The following PKHD1 variants were observed in gnomAD, a reference collection of about 807,000 sequenced individuals.
PKHD1 encodes fibrocystin.
PKHD1 carries 291 observed loss-of-function variants against 412.0 expected under a neutral mutation model. The observed-to-expected ratio is 0.71, with a 90% CI of 0.64 to 0.78. PKHD1 has a LOEUF of 0.78. Among genes scored for constraint, PKHD1 ranks in the 30% least tolerant of loss-of-function variants. PKHD1 has a pLI of 0.00. For missense variants in PKHD1, 4,825 were observed against 4,950.7 expected (o/e 0.97, Z 0.76); for synonymous variants, 1,777 against 1,821.5 (o/e 0.98, Z 0.62).
intron 37 of PKHD1, among the ~76,000 whole-genome samples, chr6:51,916,494 T>C (rs1783834697): frequency 6.6e-6 from 1 of 152,184 alleles, no homozygotes; most frequent in African/African-American, 2.4e-5. Context: ...TGAAACTAGT[T>C]CTTCTGAATC....
chr6:52,073,790 C>T (rs1037120678), intron 6 of PKHD1, among the ~76,000 whole-genome samples: 2 of 152,120 alleles, frequency 1.3e-5, no homozygotes, highest in Admixed American at 6.5e-5. Context: ...ATGCATGGAG[C>T]ATAGAAGGAA....
intron 35 of PKHD1, among the ~76,000 whole-genome samples, chr6:51,966,734 C>G (rs918523081): frequency 6.6e-6 from 1 of 152,094 alleles, no homozygotes; most frequent in African/African-American, 2.4e-5. Flanking sequence ...AAACAAATTC[C>G]TGACCTCATG....
chr6:51,746,959 A>C, intron 58 of PKHD1, 70 bp from the exon 59 acceptor site: 1 of 922,000 alleles, frequency 1.1e-6, no homozygotes, highest in Non-Finnish European at 1.7e-6. Flanking sequence ...TCGAATATAC[A>C]ACTAAATATT....
chr6:52,044,349 A>G (rs1805436348), intron 25 of PKHD1, among the ~76,000 whole-genome samples: 1 of 152,222 alleles, frequency 6.6e-6, no homozygotes, highest in Admixed American at 6.5e-5. Flanking sequence ...CATTAATAGC[A>G]TACAGATTAT....
chr6:52,070,969 G>T, intron 9 of PKHD1, 37 bp downstream of exon 9: 1 of 1,290,306 alleles, frequency 7.8e-7, no homozygotes, highest in Non-Finnish European at 1.1e-6. Context: ...GAAAGAAATG[G>T]ATAAGACTTT....
At chr6:51,854,453 G>A (rs886090243) in intron 49 of PKHD1, among the ~76,000 whole-genome samples, 3 of 152,170 alleles carry the variant, frequency 2.0e-5, no homozygotes, top group African/African-American at 7.2e-5. Context: ...TTGTCCCTTG[G>A]TGGAGAGGGT....
chr6:51,924,461 G>A (rs4711986), intron 37 of PKHD1, among the ~76,000 whole-genome samples: 55,505 of 151,950 alleles, frequency 0.37, 11,190 homozygotes, highest in East Asian at 0.76. Flanking sequence ...TAGAAACAAC[G>A]GAAAGCCACT....
rs1291484208 is a variant in PKHD1 at position 51,649,128 on chromosome 6, T to C, written c.11267A>G (p.Asn3756Ser). 1 of 1,613,762 alleles carries C rather than the reference T, an allele frequency of 6.2e-7. No homozygotes were observed. The highest frequency in any genetic ancestry group is 8.5e-7 in the Non-Finnish European group (1 of 1,179,798). ...LVQPSDGEVG[N>S]ELPVQPQLVF... ...CAATTGTGGCTGCACTGGAAGCTCA[T>C]TTCCCACTTCTCCATCTGAAGGCTG... The change falls in exon 62 of 67, where the codon AAT (asparagine) becomes AGT (serine). Residue 3756 changes from asparagine (N) to serine (S), a missense_variant. Transcript: ENST00000371117.
intron 64 of PKHD1, among the ~76,000 whole-genome samples, chr6:51,637,474 G>C (rs2784223): frequency 2.4e-4 from 36 of 152,164 alleles, no homozygotes; most frequent in Non-Finnish European, 2.9e-4. Flanking sequence ...AGCACTTGTC[G>C]ACAGGTTATT....
chr6:51,780,853 A>C (rs1791874957), intron 53 of PKHD1, among the ~76,000 whole-genome samples: 1 of 152,210 alleles, frequency 6.6e-6, no homozygotes, highest in African/African-American at 2.4e-5. Context: ...TTCTGAATAT[A>C]CTATTTTCCA....
chr6:51,914,270 A>C (rs1783436328), intron 37 of PKHD1, among the ~76,000 whole-genome samples: 1 of 152,162 alleles, frequency 6.6e-6, no homozygotes, highest in South Asian at 2.1e-4. Flanking sequence ...AAATTCACAG[A>C]TAATCTTTGA....
At chr6:52,070,095 A>G (rs1180590789) in intron 10 of PKHD1, among the ~76,000 whole-genome samples, 3 of 152,138 alleles carry the variant, frequency 2.0e-5, no homozygotes, top group Admixed American at 6.5e-5. Flanking sequence ...ATTTCATGAA[A>G]CCATGTTCCT....
At chr6:51,985,303 G>T (rs1796068765) in intron 35 of PKHD1, among the ~76,000 whole-genome samples, 1 of 152,148 alleles carries the variant, frequency 6.6e-6, no homozygotes, top group African/African-American at 2.4e-5. Context: ...ATTAACACAT[G>T]TTTATTGATT....
chr6:51,698,604 A>G (rs1191436708), intron 60 of PKHD1, among the ~76,000 whole-genome samples: 1 of 152,178 alleles, frequency 6.6e-6, no homozygotes, highest in African/African-American at 2.4e-5. Flanking sequence ...AGCATCAATC[A>G]TTTAATAAAT....
intron 35 of PKHD1, among the ~76,000 whole-genome samples, chr6:51,980,740 G>C (rs1795031789): frequency 6.6e-6 from 1 of 152,236 alleles, no homozygotes; most frequent in African/African-American, 2.4e-5. Context: ...CTTACTTGCA[G>C]AAATATCTCA....
chr6:51,831,154 T>C (rs1376698665), intron 51 of PKHD1, among the ~76,000 whole-genome samples, 165 bp from the exon 52 acceptor site: 3 of 152,194 alleles, frequency 2.0e-5, no homozygotes, highest in Non-Finnish European at 2.9e-5. Context: ...CAAGTAATTA[T>C]TCAATCCTTA....
At chr6:51,625,348 A>G (rs1767097894) in intron 66 of PKHD1, among the ~76,000 whole-genome samples, 1 of 152,222 alleles carries the variant, frequency 6.6e-6, no homozygotes, top group Admixed American at 6.5e-5. Context: ...GCTACCAATA[A>G]GTAGGTGTTT....
chr6:51,743,702 A>C (rs1784846002), intron 60 of PKHD1, among the ~76,000 whole-genome samples: 1 of 152,216 alleles, frequency 6.6e-6, no homozygotes, highest in Non-Finnish European at 1.5e-5. Flanking sequence ...ATCTAAAAAG[A>C]ATCAACTAAT....
chr6:52,002,243 CA>C (rs1798493834), intron 35 of PKHD1, among the ~76,000 whole-genome samples: 1 of 152,170 alleles, frequency 6.6e-6, no homozygotes, highest in Admixed American at 6.5e-5. Context: ...TTCCTCCCTC[CA>C]AAAGCTGGAA....
Sources: allele counts gnomAD v4.1 joint callset (sites outside exome capture counted in the v4.1 genomes callset), GRCh38; gene constraint gnomAD v4.1.1; transcripts MANE v1.5; gene names NCBI Gene and HGNC (gene_info 2026-07-23, HGNC 2026-07-21).